The following CHAF1A variants were observed in gnomAD, a reference collection of about 807,000 sequenced individuals.
CHAF1A encodes the protein chromatin assembly factor 1 subunit A, also known as CAF-1 subunit A.
In CHAF1A, 5 loss-of-function variants were observed where a neutral mutation model predicts 93.2. That is an observed-to-expected ratio of 0.05 (90% CI 0.03 to 0.11). CHAF1A has a LOEUF of 0.11. CHAF1A is among the 10% of genes least tolerant of loss of function. The probability of loss-of-function intolerance (pLI) is 1.00; values close to 1 mark genes in which losing one functional copy is unlikely to be tolerated. For missense variants in CHAF1A, 1,102 were observed against 1,259.9 expected (o/e 0.87, Z 1.90); for synonymous variants, 504 against 510.3 (o/e 0.99, Z 0.17).
Position 4,422,698 on chromosome 19 carries a change from A to G in CHAF1A, c.1150A>G (p.Lys384Glu). The G allele has an allele frequency of 6.2e-7, 1 of 1,613,070 alleles. No homozygotes were observed. Among genetic ancestry groups the G allele is most frequent in the Non-Finnish European group, 8.5e-7 (1 of 1,179,648 alleles). Residue 384 changes from lysine (K) to glutamate (E), a missense_variant, in exon 5 of 15, where the codon AAG (lysine) becomes GAG (glutamate). Lys to Glu is a moderately conservative substitution (Grantham distance 56). This residue lies in a region of CHAF1A where 165 missense variants were observed against 243.9 expected (regional missense o/e 0.68). Transcript: ENST00000301280. The surrounding 1 kb of genome is among the most constrained non-coding windows in gnomAD (Gnocchi z 4.6). ...KKEEEKELKE[K>E]ERREKREKDE... is the part of the protein sequence containing the mutation. ...GGAGGAAGAGAAGGAGCTTAAGGAA[A>G]AGGAGAGGCGGGAGAAGCGGGAGAA... is the stretch of plus-strand genomic sequence containing the variant.
At position 4,429,799 on chromosome 19, in the gene CHAF1A, G is replaced by A. The variant is rs1267536139; in HGVS notation, c.1854+11G>A. On this transcript the variant is annotated intron_variant, in intron 10 of 14. Coordinates refer to ENST00000301280, the MANE Select transcript of CHAF1A (RefSeq NM_005483.3). Reference sequence around the variant, plus strand: ...TCCCACAGTGAGGGGGTAAGGATGTGCCCCAGCTGTCTTCACTCACAGACG... The same window carrying A: ...TCCCACAGTGAGGGGGTAAGGATGTACCCCAGCTGTCTTCACTCACAGACG... 3.7e-6 allele frequency: 6 copies of A among 1,605,360 alleles called. No homozygotes were observed. Among genetic ancestry groups the A allele is most frequent in the Non-Finnish European group, 5.1e-6 (6 of 1,175,210 alleles).
At chr19:4,417,968 TCGAAGCAA>T in intron 3 of CHAF1A, 44 bp from the exon 4 acceptor site, 1 of 1,332,262 alleles carries the variant, frequency 7.5e-7, no homozygotes, top group Admixed American at 2.1e-5. Context: ...TCTCTTTTTC[TCGAAGCAA>T]TTGAAATAAC....
chr19:4,413,220 C>T (rs796533306), intron 3 of CHAF1A, among the ~76,000 whole-genome samples: 23 of 152,162 alleles, frequency 1.5e-4, no homozygotes, highest in African/African-American at 3.4e-4. Context: ...TACAGGCACG[C>T]GCCACCAGGC....
At chr19:4,430,416 G>T in intron 10 of CHAF1A, 133 bp from the exon 11 acceptor site, 1 of 603,200 alleles carries the variant, frequency 1.7e-6, no homozygotes, top group Non-Finnish European at 3.0e-6. Flanking sequence ...GACTTCAGAT[G>T]ATCCGCCCAC....
rs1391787628 is a variant in CHAF1A, at chr19:4,422,526, G to T, written c.1018-40G>T. On this transcript the variant is annotated intron_variant, in intron 4 of 14. Transcript: ENST00000301280. The surrounding 1 kb of genome is among the most constrained non-coding windows in gnomAD (Gnocchi z 4.6). ...TGAACCGAGCTTCCTCCTGGGAGTT[G>T]GAGGGAGGGCCACCTGTCACTTGCC... The T allele has an allele frequency of 1.3e-6, 2 of 1,536,394 alleles. No homozygotes were observed. The highest frequency in any genetic ancestry group is 3.9e-5 in the Admixed American group (2 of 50,924).
the CHAF1A span, chr19:4,450,758 CAAAAAAAAAAAAA>C: frequency 7.5e-4 from 33 of 43,804 alleles, no homozygotes; most frequent in East Asian, 9.6e-3. Flanking sequence ...GACTCTGTCT[CAAAAAAAAAAAAA>C]AAAAAAAAAA....
chr19:4,436,657 C>A (rs1321167698), intron 13 of CHAF1A, among the ~76,000 whole-genome samples: 1 of 152,172 alleles, frequency 6.6e-6, no homozygotes, highest in African/African-American at 2.4e-5. Context: ...CCCCTGGGAA[C>A]CCCTGTGTCC....
downstream of CHAF1A, chr19:4,448,186 A>T: frequency 1.3e-6 from 1 of 783,306 alleles, no homozygotes; most frequent in Non-Finnish European, 2.1e-6. Context: ...GAGCTGCCTC[A>T]CTCTCGGCCT....
chr19:4,446,143 GCCTCCCGGAC>G (rs1378120602), downstream of CHAF1A: 1 of 1,611,750 alleles, frequency 6.2e-7, no homozygotes, highest in South Asian at 1.1e-5. Flanking sequence ...GCTCTGCAGG[GCCTCCCGGAC>G]GAACCCGTAC....
rs375468594 is a variant in CHAF1A at position 4,422,837 on chromosome 19, G to T, written c.1247+42G>T. On this transcript the variant is annotated intron_variant, in intron 5 of 14. Transcript: ENST00000301280. This position sits in a 1 kb window ranked among gnomAD's most constrained non-coding sequence, Gnocchi z 4.6. ...GCCATGCTGGGCCCGCCACCCTGCT[G>T]CTGGATTCCGCTCCTGGCCACTCTG... The T allele has an allele frequency of 1.3e-4, 208 of 1,576,752 alleles. 1 individual carries two copies. The highest frequency in any genetic ancestry group is 1.8e-4 in the Non-Finnish European group (203 of 1,150,306).
intron 6 of CHAF1A, among the ~76,000 whole-genome samples, 186 bp downstream of exon 6, chr19:4,423,581 G>GC (rs1357700196): frequency 2.0e-5 from 3 of 152,228 alleles, no homozygotes; most frequent in African/African-American, 7.2e-5. Context: ...GCTGTCACAT[G>GC]CCTACTGGCC....
At chr19:4,430,865 A>T in intron 11 of CHAF1A, 1 of 542,904 alleles carries the variant, frequency 1.8e-6, no homozygotes, top group Non-Finnish European at 3.3e-6. Context: ...GGGGAGCCAT[A>T]GGAGCAGACA....
downstream of CHAF1A, among the ~76,000 whole-genome samples, chr19:4,444,166 A>G (rs1974452478): frequency 6.6e-6 from 1 of 152,150 alleles, no homozygotes; most frequent in Non-Finnish European, 1.5e-5. Flanking sequence ...GACAGCCTCC[A>G]TTCTCAACAG....
chr19:4,448,314 T>G (rs770615062), downstream of CHAF1A: 4 of 1,602,084 alleles, frequency 2.5e-6, no homozygotes, highest in Non-Finnish European at 3.4e-6. Flanking sequence ...GGCCACACGC[T>G]CACTTGGCAA....
chr19:4,448,451 G>C (rs925882210), downstream of CHAF1A: 4 of 1,556,722 alleles, frequency 2.6e-6, no homozygotes, highest in Admixed American at 5.6e-5. Context: ...CACTCACTGA[G>C]AGCCCGGGCC....
chr19:4,408,853 G>A, intron 2 of CHAF1A, 50 bp from the exon 3 acceptor site: 1 of 1,546,034 alleles, frequency 6.5e-7, no homozygotes, highest in African/African-American at 1.4e-5. Context: ...GCTCATGAGT[G>A]GTTGTAACTT....
Position 4,409,108 on chromosome 19 carries a change from A to C in CHAF1A, c.309A>C (p.Arg103Ser). The change falls in exon 3 of 15, where the codon AGA (arginine) becomes AGC (serine). Residue 103 changes from arginine (R) to serine (S), a missense_variant. Physicochemically the swap from Arg to Ser is moderately radical, Grantham distance 110. Transcript: ENST00000301280. Reference sequence around the variant, plus strand: ...AGGGTCCCTTAGATAACTTTTTAAGAAATAGAATCGAAACCAGTATTGGCC... The same window carrying C: ...AGGGTCCCTTAGATAACTTTTTAAGCAATAGAATCGAAACCAGTATTGGCC... ...NGKGPLDNFLRNRIETSIGQS... is the reference protein window; with the variant it reads ...NGKGPLDNFLSNRIETSIGQS... The C allele has an allele frequency of 6.2e-7, 1 of 1,614,208 alleles. No homozygotes were observed. Among genetic ancestry groups the C allele is most frequent in the Non-Finnish European group, 8.5e-7 (1 of 1,180,038 alleles).
At chr19:4,447,025 C>T (rs1170844901), downstream of CHAF1A, 2 of 1,178,194 alleles carry the variant, frequency 1.7e-6, no homozygotes, top group Non-Finnish European at 2.4e-6. Context: ...GAGCAGCTGT[C>T]GACCCCTGGA....
intron 4 of CHAF1A, among the ~76,000 whole-genome samples, chr19:4,419,056 A>G (rs981977455): frequency 2.6e-5 from 2 of 77,214 alleles, no homozygotes; most frequent in Admixed American, 1.4e-4. Flanking sequence ...TTTTTTTTGT[A>G]TTTTAGTAGA....
Sources: gnomAD v4.1 joint callset for allele counts (sites outside exome capture counted in the v4.1 genomes callset) on GRCh38, gnomAD v4.1.1 for gene constraint, gnomAD v4.1.1 regional missense constraint, Gnocchi (gnomAD v3.1) non-coding constraint, MANE v1.5 for transcripts, NCBI Gene and HGNC (gene_info 2026-07-23, HGNC 2026-07-21) for gene names.